Variants in FAT3 observed in about 807,000 individuals in gnomAD.
FAT3 encodes protocadherin Fat 3.
FAT3 carries 95 observed loss-of-function variants against 310.2 expected under a neutral mutation model. The observed-to-expected ratio is 0.31, with a 90% CI of 0.26 to 0.36. The LOEUF (loss-of-function observed/expected upper bound fraction) is 0.36. Ranked by LOEUF, FAT3 falls within the 10% of genes least tolerant of loss-of-function variation. The pLI is 1.00. For missense variants in FAT3, 5,408 were observed against 5,715.6 expected (o/e 0.95, Z 1.74); for synonymous variants, 2,314 against 2,192.9 (o/e 1.06, Z -1.54).
intron 3 of FAT3, among the ~76,000 whole-genome samples, chr11:92,596,819 T>TGTGTA (rs1939733682): frequency 6.6e-6 from 1 of 152,212 alleles, no homozygotes; most frequent in South Asian, 2.1e-4. Context: ...ATGCAGTTAC[T>TGTGTA]GTGTAGCTCT....
intron 1 of FAT3, among the ~76,000 whole-genome samples, chr11:92,331,162 AT>A (rs1423924001): frequency 1.3e-5 from 2 of 152,184 alleles, no homozygotes; most frequent in African/African-American, 4.8e-5. Context: ...ATTTCAGCCT[AT>A]CTTTAAGATG....
intron 1 of FAT3, among the ~76,000 whole-genome samples, chr11:92,262,954 C>A (rs1053365451): frequency 1.3e-5 from 2 of 151,974 alleles, no homozygotes; most frequent in African/African-American, 4.8e-5. Flanking sequence ...TTCTCTTTAG[C>A]CCCGGTTCCC....
intron 5 of FAT3, among the ~76,000 whole-genome samples, chr11:92,763,873 T>C (rs1483066823): frequency 3.3e-5 from 5 of 152,022 alleles, no homozygotes; most frequent in African/African-American, 1.2e-4. Flanking sequence ...ATCCTCAAGT[T>C]TTCTCACCCC....
Position 92,353,034 on chromosome 11 carries a change from C to T in FAT3, c.922C>T (p.Pro308Ser). ...ATCTGTTTCCATTGTGGCTGGGGAT[C>T]CTTTAGATCAGTTCTTCCTGGCTAA... is the stretch of plus-strand genomic sequence containing the variant. ...IESVSIVAGD[P>S]LDQFFLAKEG... The change falls in exon 2 of 28, where the codon CCT becomes TCT. Residue 308 changes from proline (P) to serine (S), a missense_variant. Physicochemically the swap from Pro to Ser is moderately conservative, Grantham distance 74 (BLOSUM62 -1). Coordinates refer to ENST00000525166, the MANE Select transcript of FAT3 (RefSeq NM_001367949.2). 1 of 1,613,514 alleles carries T rather than the reference C, an allele frequency of 6.2e-7. No homozygotes were observed. The highest frequency in any genetic ancestry group is 8.5e-7 in the Non-Finnish European group (1 of 1,179,804).
At chr11:92,491,924 G>A (rs1952611002) in intron 2 of FAT3, among the ~76,000 whole-genome samples, 1 of 152,022 alleles carries the variant, frequency 6.6e-6, no homozygotes, top group Admixed American at 6.6e-5. Flanking sequence ...ACCACCCTGA[G>A]CTGAATACTT....
At chr11:92,724,005 T>G (rs1944932376) in intron 4 of FAT3, among the ~76,000 whole-genome samples, 1 of 152,238 alleles carries the variant, frequency 6.6e-6, no homozygotes, top group Non-Finnish European at 1.5e-5. Context: ...CAAAACCAGC[T>G]GTATTACTTG....
intron 2 of FAT3, among the ~76,000 whole-genome samples, chr11:92,398,500 CAAAAAAAAAAAA>C (rs35977408): frequency 7.4e-5 from 6 of 80,724 alleles, no homozygotes; most frequent in South Asian, 5.1e-4. Context: ...AACTCCGTCC[CAAAAAAAAAAAA>C]AAAAAAAAAA....
chr11:92,864,972 G>A (rs1949202123), intron 21 of FAT3, among the ~76,000 whole-genome samples: 1 of 152,214 alleles, frequency 6.6e-6, no homozygotes, highest in African/African-American at 2.4e-5. Flanking sequence ...AGTGGACAGA[G>A]TAGCCTTGTA....
At chr11:92,570,443 GT>G (rs1336568968) in intron 3 of FAT3, among the ~76,000 whole-genome samples, 1 of 152,136 alleles carries the variant, frequency 6.6e-6, no homozygotes, top group Non-Finnish European at 1.5e-5. Context: ...TGTTCATGAA[GT>G]TTTGATTATG....
intron 3 of FAT3, among the ~76,000 whole-genome samples, chr11:92,632,449 C>G (rs1941591346): frequency 6.6e-6 from 1 of 152,134 alleles, no homozygotes; most frequent in Non-Finnish European, 1.5e-5. Context: ...GAGCTGTATG[C>G]AGTGAGGGGA....
At chr11:92,792,051 C>A (rs147934914) in intron 8 of FAT3, among the ~76,000 whole-genome samples, 30 of 152,250 alleles carry the variant, frequency 2.0e-4, no homozygotes, top group African/African-American at 6.5e-4. Flanking sequence ...GCTTTTTTGC[C>A]TGAAAATGCC....
At chr11:92,341,376 G>A (rs1948257759) in intron 1 of FAT3, among the ~76,000 whole-genome samples, 1 of 152,050 alleles carries the variant, frequency 6.6e-6, no homozygotes, top group Non-Finnish European at 1.5e-5. Flanking sequence ...GGTCATTGAA[G>A]GGGTGACCTT....
At position 92,452,921 on chromosome 11, in the gene FAT3, G is replaced by A. The variant is rs189862203; in HGVS notation, c.3293-71713G>A. ...CCTGAGTAGCTGGGACTATAGGTGT[G>A]TGCTGCCATACCCAGCTAATTTTTG... On this transcript the variant is annotated intron_variant, in intron 2 of 27. Transcript: ENST00000525166. 1.4e-4 allele frequency among the ~76,000 whole-genome samples: 22 copies of A among 152,096 alleles called. 2 individuals carry two copies. The East Asian group carries it at 3.5e-3, about 24-fold the overall frequency.
chr11:92,827,679 GA>G (rs1948136268), intron 13 of FAT3, among the ~76,000 whole-genome samples: 1 of 152,122 alleles, frequency 6.6e-6, no homozygotes, highest in African/African-American at 2.4e-5. Context: ...AACCTTCCGA[GA>G]GGCAGAATAT....
At chr11:92,705,439 G>GTGGTGGTGTGA (rs200678357) in intron 4 of FAT3, among the ~76,000 whole-genome samples, 1 of 120,868 alleles carries the variant, frequency 8.3e-6, no homozygotes, top group Non-Finnish European at 1.8e-5. Context: ...GGTGGTGATG[G>GTGGTGGTGTGA]TGGTGGTGTG....
At chr11:92,774,621 T>C (rs1406909540) in intron 7 of FAT3, among the ~76,000 whole-genome samples, 1 of 152,218 alleles carries the variant, frequency 6.6e-6, no homozygotes, top group Non-Finnish European at 1.5e-5. Context: ...AGCTAAGTGA[T>C]GTATCCAAGG....
At chr11:92,762,696 AT>A (rs1174826180) in intron 5 of FAT3, among the ~76,000 whole-genome samples, 2 of 152,194 alleles carry the variant, frequency 1.3e-5, no homozygotes, top group Non-Finnish European at 1.5e-5. Context: ...AAGTGACTGA[AT>A]TTTTTATTAA....
chr11:92,306,429 T>C (rs1591081527), intron 1 of FAT3, among the ~76,000 whole-genome samples: 1 of 144,314 alleles, frequency 6.9e-6, no homozygotes, highest in African/African-American at 2.6e-5. Flanking sequence ...TTAGTACCCT[T>C]CCCCCCATGA....
intron 4 of FAT3, among the ~76,000 whole-genome samples, chr11:92,731,921 A>G (rs1188534064): frequency 3.9e-5 from 6 of 152,200 alleles, no homozygotes; most frequent in Non-Finnish European, 7.3e-5. Context: ...AAAATTGCTT[A>G]ATCAATGTTT....
Sources: allele counts gnomAD v4.1 joint callset (sites outside exome capture counted in the v4.1 genomes callset), GRCh38; gene constraint gnomAD v4.1.1; transcripts MANE v1.5; gene names NCBI Gene and HGNC (gene_info 2026-07-23, HGNC 2026-07-21).